CHLSN: variants seen among roughly 807,000 people sequenced by gnomAD.
The protein encoded by CHLSN is protein cholesin.
At chr7:1,063,569 C>G in the CHLSN span, among the ~76,000 whole-genome samples, 1 of 152,250 alleles carries the variant, frequency 6.6e-6, no homozygotes, top group Admixed American at 6.5e-5. Context: ...TCTCCCAGCG[C>G]CCACCATGGG....
the CHLSN span, among the ~76,000 whole-genome samples, chr7:1,064,161 C>T: frequency 2.2e-3 from 339 of 152,338 alleles, 1 homozygote; most frequent in African/African-American, 7.7e-3. Context: ...CAAACACACA[C>T]GTCTGTCTCC....
the CHLSN span, chr7:1,028,852 GTCTGCCATCTCCCCAA>G: frequency 4.8e-5 from 34 of 715,088 alleles, no homozygotes; most frequent in East Asian, 4.2e-3. Context: ...CATCTTCCCA[GTCTGCCATCTCCCCAA>G]TCTGCCCCAT....
chr7:1,057,891 G>A, the CHLSN span: 3 of 776,654 alleles, frequency 3.9e-6, no homozygotes, highest in East Asian at 2.4e-5. Context: ...GCTGAGCCTC[G>A]ACCACTACAT....
the CHLSN span, among the ~76,000 whole-genome samples, chr7:994,898 C>A: frequency 6.6e-6 from 1 of 152,288 alleles, no homozygotes; most frequent in South Asian, 2.1e-4. Context: ...CATGCCCACG[C>A]TAAGTTTGGC....
At chr7:1,016,728 GCAGCACACGC>G in the CHLSN span, among the ~76,000 whole-genome samples, 5 of 104,984 alleles carry the variant, frequency 4.8e-5, no homozygotes, top group African/African-American at 1.0e-4. Context: ...GCAGCACACA[GCAGCACACGC>G]CAGCGCACAG....
chr7:1,021,017 C>A, the CHLSN span, among the ~76,000 whole-genome samples: 1 of 149,598 alleles, frequency 6.7e-6, no homozygotes, highest in African/African-American at 2.4e-5. Flanking sequence ...GACCTTCGGG[C>A]AGGTACCTCC....
At chr7:985,249 CG>C in the CHLSN span, 1 of 1,552,054 alleles carries the variant, frequency 6.4e-7, no homozygotes, top group East Asian at 2.4e-5. Context: ...ATTTGACTAC[CG>C]GGACCCCGTG....
the CHLSN span, chr7:1,010,116 C>G: frequency 6.2e-7 from 1 of 1,612,370 alleles, no homozygotes; most frequent in Admixed American, 1.7e-5. Context: ...GGCTCTGCGT[C>G]CAGCCCGGGC....
the CHLSN span, chr7:985,283 T>C: frequency 6.4e-7 from 1 of 1,551,664 alleles, no homozygotes; most frequent in Non-Finnish European, 8.7e-7. Context: ...CTGGGTCTCA[T>C]CGATGAGGTC....
At chr7:1,083,171 C>G in the CHLSN span, among the ~76,000 whole-genome samples, 3 of 152,262 alleles carry the variant, frequency 2.0e-5, no homozygotes. Context: ...ATGCTCCCAG[C>G]AACCACTGAG....
the CHLSN span, among the ~76,000 whole-genome samples, chr7:1,104,492 G>A: frequency 4.6e-5 from 7 of 152,174 alleles, no homozygotes; most frequent in Admixed American, 3.9e-4. Flanking sequence ...ACACCCTGAC[G>A]CCCGCATGTC....
the CHLSN span, among the ~76,000 whole-genome samples, chr7:1,103,491 C>T: frequency 0.11 from 16,356 of 152,250 alleles, 1,120 homozygotes; most frequent in Non-Finnish European, 0.15. Flanking sequence ...TGTCACCACA[C>T]GAATTAGCCC....
the CHLSN span, among the ~76,000 whole-genome samples, chr7:1,122,942 G>C: frequency 6.6e-6 from 1 of 152,196 alleles, no homozygotes; most frequent in Admixed American, 6.5e-5. Context: ...ATACAGCCCA[G>C]TCACCAAGAC....
chr7:1,127,191 C>G, the CHLSN span: 2 of 1,510,356 alleles, frequency 1.3e-6, no homozygotes, highest in Non-Finnish European at 1.8e-6. Context: ...GCCACCCCCT[C>G]TCCCTCCAGA....
the CHLSN span, among the ~76,000 whole-genome samples, chr7:1,027,603 G>C: frequency 1.3e-5 from 2 of 152,404 alleles, no homozygotes; most frequent in East Asian, 1.9e-4. Flanking sequence ...CCTCAGGAAG[G>C]CTCCCGAGTG....
the CHLSN span, among the ~76,000 whole-genome samples, chr7:1,120,869 C>T: frequency 0.15 from 21,808 of 150,154 alleles, 1,772 homozygotes; most frequent in Middle Eastern, 0.29. Context: ...GTCCCAAAAA[C>T]GGATGGACAC....
the CHLSN span, among the ~76,000 whole-genome samples, chr7:1,127,885 G>C: frequency 0.026 from 525 of 19,824 alleles, 6 homozygotes; most frequent in East Asian, 0.054. Flanking sequence ...GCAGTGGCAC[G>C]ATCTCGGCTC....
the CHLSN span, among the ~76,000 whole-genome samples, chr7:1,065,686 G>T: frequency 6.6e-6 from 1 of 152,212 alleles, no homozygotes; most frequent in African/African-American, 2.4e-5. Context: ...CGACGGAGGC[G>T]GTCTCCCTTG....
chr7:1,107,382 A>C, the CHLSN span, among the ~76,000 whole-genome samples: 2 of 152,024 alleles, frequency 1.3e-5, no homozygotes, highest in Non-Finnish European at 2.9e-5. Context: ...AACCCACTAC[A>C]CAGAAGCCAG....
Sources: gnomAD v4.1 joint callset for allele counts (sites outside exome capture counted in the v4.1 genomes callset) on GRCh38, gnomAD v4.1.1 for gene constraint, MANE v1.5 for transcripts, NCBI Gene and HGNC (gene_info 2026-07-23, HGNC 2026-07-21) for gene names.